Variants in STON2 observed in about 807,000 individuals in gnomAD.
The protein encoded by STON2 is stonin 2.
STON2 carries 29 observed loss-of-function variants against 65.7 expected under a neutral mutation model. The ratio of observed to expected loss-of-function variants is 0.44; its 90% CI spans 0.33 to 0.60. The LOEUF is 0.60. STON2 is among the 20% of genes least tolerant of loss of function. STON2 has a pLI of 0.03. For synonymous variants in STON2, 404 were observed against 414.2 expected, an observed-to-expected ratio of 0.98 and a Z score of 0.30; for missense variants, 1,054 against 1,118.1, an observed-to-expected ratio of 0.94 and a Z score of 0.82.
chr14:81,353,231 C>G (rs1898093098), intron 4 of STON2, among the ~76,000 whole-genome samples: 1 of 152,208 alleles, frequency 6.6e-6, no homozygotes, highest in African/African-American at 2.4e-5. Context: ...TATTTCCACA[C>G]TAGTCACATC....
intron 1 of STON2, among the ~76,000 whole-genome samples, chr14:81,431,035 T>C (rs75812737): frequency 1.5e-4 from 23 of 152,072 alleles, no homozygotes; most frequent in African/African-American, 5.3e-4. Flanking sequence ...CACCATAGAA[T>C]AGATCAAGTG....
intron 4 of STON2, among the ~76,000 whole-genome samples, chr14:81,362,400 A>C (rs61986576): frequency 0.39 from 58,987 of 151,990 alleles, 11,760 homozygotes; most frequent in South Asian, 0.58. Flanking sequence ...ACAAGTACCA[A>C]ATATTCTCCC....
intron 5 of STON2, among the ~76,000 whole-genome samples, chr14:81,282,923 C>T: frequency 6.6e-6 from 1 of 152,182 alleles, no homozygotes; most frequent in Non-Finnish European, 1.5e-5. Context: ...AACCAAGTAT[C>T]TTGATCACAA....
chr14:81,378,146 T>C (rs1024346907), intron 3 of STON2, among the ~76,000 whole-genome samples: 1 of 151,910 alleles, frequency 6.6e-6, no homozygotes, highest in Non-Finnish European at 1.5e-5. Flanking sequence ...ACACCCAGCC[T>C]AGCCCATTTT....
At chr14:81,298,526 G>A (rs184741117) in intron 5 of STON2, among the ~76,000 whole-genome samples, 20 of 152,126 alleles carry the variant, frequency 1.3e-4, no homozygotes, top group Admixed American at 3.9e-4. Flanking sequence ...TCCCAAGCGC[G>A]GCTGAAATCC....
intron 3 of STON2, among the ~76,000 whole-genome samples, chr14:81,388,036 G>A (rs549900605): frequency 1.3e-3 from 161 of 126,160 alleles, no homozygotes; most frequent in Non-Finnish European, 2.1e-3. Flanking sequence ...TGCAACCTCC[G>A]CCTCCCAGGT....
chr14:81,330,807 T>A (rs1244262095), intron 4 of STON2, among the ~76,000 whole-genome samples: 1 of 152,184 alleles, frequency 6.6e-6, no homozygotes, highest in Non-Finnish European at 1.5e-5. Flanking sequence ...TACTCAAAAG[T>A]CCTGCATGCC....
At chr14:81,347,102 T>TA (rs201448229) in intron 4 of STON2, among the ~76,000 whole-genome samples, 10 of 149,556 alleles carry the variant, frequency 6.7e-5, no homozygotes, top group Admixed American at 2.0e-4. Flanking sequence ...CAAAACAAAA[T>TA]AAAAAAAAAC....
At chr14:81,385,817 T>C (rs1032813886) in intron 3 of STON2, among the ~76,000 whole-genome samples, 2 of 152,210 alleles carry the variant, frequency 1.3e-5, no homozygotes, top group Admixed American at 6.5e-5. Flanking sequence ...TTTCCCTTTA[T>C]GGAGAAGAGA....
chr14:81,264,467 C>T lies in STON2; in HGVS notation c.*3947G>A. 4 of 985,334 alleles carry T rather than the reference C, an allele frequency of 4.1e-6. No individual in the cohort carries two copies. In the South Asian group the frequency reaches 1.9e-4, roughly 46 times the overall value. The allele number at this position is 985,334 out of a possible 1,614,324, so 61.0% of individuals were successfully genotyped here. Reference sequence around the variant, plus strand: ...CTTTATTTCATGAGTATACGTTTGCCCTCCTGGCAAGCATTTAAGGTGGCT... The same window carrying T: ...CTTTATTTCATGAGTATACGTTTGCTCTCCTGGCAAGCATTTAAGGTGGCT... On this transcript the variant is annotated 3_prime_UTR_variant, in exon 8 of 8. Coordinates refer to ENST00000614646, the MANE Select transcript of STON2 (RefSeq NM_001394390.1).
chr14:81,386,833 T>C (rs115830134), intron 3 of STON2, among the ~76,000 whole-genome samples: 2,925 of 152,288 alleles, frequency 0.019, 112 homozygotes, highest in African/African-American at 0.068. Context: ...TTTAGTCCAT[T>C]TGTCTGCAGG....
chr14:81,395,693 T>C (rs1210056431), intron 3 of STON2: 2 of 596,902 alleles, frequency 3.4e-6, no homozygotes, highest in Non-Finnish European at 6.0e-6. Flanking sequence ...CTAGAACACA[T>C]ACATTCTTTT....
At chr14:81,412,732 T>C (rs1208611945) in intron 2 of STON2, among the ~76,000 whole-genome samples, 1 of 140,156 alleles carries the variant, frequency 7.1e-6, no homozygotes, top group African/African-American at 2.9e-5. Flanking sequence ...TGGTCCATTT[T>C]ATAGTTGTAA....
intron 5 of STON2, among the ~76,000 whole-genome samples, chr14:81,297,727 A>G (rs1007965693): frequency 6.6e-6 from 1 of 152,218 alleles, no homozygotes; most frequent in East Asian, 1.9e-4. Context: ...AACTTTAATA[A>G]TCAATAGAAA....
rs1237646522 is a variant in STON2 at position 81,267,960 on chromosome 14, GAA to G, written c.*452_*453del. 7 of 986,544 alleles carry G rather than the reference GAA, an allele frequency of 7.1e-6. No individual in the cohort carries two copies. The highest frequency in any genetic ancestry group is 8.4e-6 in the Non-Finnish European group (7 of 830,830). The allele number at this position is 986,544 out of a possible 1,614,324, so 61.1% of individuals were successfully genotyped here. On this transcript the variant is annotated 3_prime_UTR_variant, in exon 8 of 8. Coordinates refer to ENST00000614646, the MANE Select transcript of STON2 (RefSeq NM_001394390.1). ...TTTCTGAACCTTTTCTAGACAGAGTGAAAGAGATGGATTCTTAATTAACTTCT... is the reference window on the plus strand; with the variant it reads ...TTTCTGAACCTTTTCTAGACAGAGTGAGAGATGGATTCTTAATTAACTTCT...
At chr14:81,402,105 C>T (rs141129126), upstream of STON2, among the ~76,000 whole-genome samples, 124 of 152,182 alleles carry the variant, frequency 8.1e-4, no homozygotes, top group Non-Finnish European at 1.5e-3. Flanking sequence ...GATTGATTGA[C>T]CATAAAAGCT....
chr14:81,340,257 T>C (rs1897550421), intron 4 of STON2, among the ~76,000 whole-genome samples: 1 of 152,074 alleles, frequency 6.6e-6, no homozygotes, highest in African/African-American at 2.4e-5. Flanking sequence ...AACTAATTTC[T>C]AGCGACAGAA....
intron 2 of STON2, among the ~76,000 whole-genome samples, chr14:81,422,138 T>C (rs1377348267): frequency 3.3e-5 from 5 of 152,180 alleles, no homozygotes; most frequent in African/African-American, 9.7e-5. Context: ...CTGTTGTAGT[T>C]TGATCCCCAG....
intron 5 of STON2, among the ~76,000 whole-genome samples, chr14:81,281,010 CAAAAAAA>C (rs796161809): frequency 1.6e-5 from 1 of 63,070 alleles, no homozygotes; most frequent in Non-Finnish European, 3.6e-5. Flanking sequence ...AACTCCGTCT[CAAAAAAA>C]AAAAAAAAAG....
Sources: allele counts gnomAD v4.1 joint callset (sites outside exome capture counted in the v4.1 genomes callset), GRCh38; gene constraint gnomAD v4.1.1; transcripts MANE v1.5; gene names NCBI Gene and HGNC (gene_info 2026-07-23, HGNC 2026-07-21).